The following GPRC6A variants were observed in gnomAD, a reference collection of about 807,000 sequenced individuals.
The protein encoded by GPRC6A is G protein-coupled receptor class C group 6 member A.
GPRC6A carries 54 observed loss-of-function variants against 47.0 expected under a neutral mutation model. The ratio of observed to expected loss-of-function variants is 1.15; its 90% CI spans 0.92 to 1.44. The LOEUF (loss-of-function observed/expected upper bound fraction) is 1.44, where lower values mean the gene tolerates loss of function less well. GPRC6A is among the 40% of genes most tolerant of loss of function. GPRC6A has a pLI of 0.00. For missense variants in GPRC6A, 1,112 were observed against 1,105.5 expected, an observed-to-expected ratio of 1.01 and a Z score of -0.08; for synonymous variants, 347 against 377.1, an observed-to-expected ratio of 0.92 and a Z score of 0.93.
At chr6:116,819,595 C>T (rs9387435) in intron 1 of GPRC6A, among the ~76,000 whole-genome samples, 45,615 of 151,822 alleles carry the variant, frequency 0.3, 7,633 homozygotes, top group East Asian at 0.53. Context: ...GAACAACCTG[C>T]TCCTGAATGA....
At position 116,806,874 on chromosome 6, in the gene GPRC6A, A is replaced by AAAT; in HGVS notation, c.828_830dup (p.Val276_Phe277insLeu). 1.2e-6 allele frequency: 2 copies of AAAT among 1,613,498 alleles called. No homozygotes were observed. Among genetic ancestry groups the AAAT allele is most frequent in the Non-Finnish European group, 1.7e-6 (2 of 1,179,600 alleles). ...GATCAAAAACATGGAATTGCCTCAG[A>AAAT]AATACCACAATGACATTAACCTGGG... On this transcript the variant is annotated inframe_insertion, in exon 3 of 6. Transcript: ENST00000310357.
At chr6:116,814,316 G>A (rs1460383749) in intron 1 of GPRC6A, among the ~76,000 whole-genome samples, 1 of 152,122 alleles carries the variant, frequency 6.6e-6, no homozygotes, top group Non-Finnish European at 1.5e-5. Context: ...TATGTTTATT[G>A]TGGCACTATT....
At chr6:116,812,508 G>A (rs543535289) in intron 1 of GPRC6A, among the ~76,000 whole-genome samples, 11 of 152,198 alleles carry the variant, frequency 7.2e-5, no homozygotes, top group Admixed American at 2.0e-4. Flanking sequence ...GACAAAAAAT[G>A]AGAAAAAGAA....
chr6:116,803,013 A>C (rs1384686827), intron 3 of GPRC6A, among the ~76,000 whole-genome samples: 2 of 152,096 alleles, frequency 1.3e-5, no homozygotes, highest in South Asian at 2.1e-4. Context: ...CTTACAATAC[A>C]TGTCTCATAA....
chr6:116,820,645 A>G (rs1470337264), intron 1 of GPRC6A, among the ~76,000 whole-genome samples: 1 of 151,568 alleles, frequency 6.6e-6, no homozygotes, highest in Admixed American at 6.6e-5. Flanking sequence ...AAAGCCTTTG[A>G]CAAAATTCAA....
At position 116,806,760 on chromosome 6, in the gene GPRC6A, A is replaced by G. The variant is rs145960158; in HGVS notation, c.945T>C (p.Pro315=). ...WSTATKITTI[P]NVKKIGKVVG... is the part of the protein sequence containing the mutation. ...CAACTTTGCCAATCTTTTTAACATT[A>G]GGAATGGTGGTAATCTTGGTGGCAG... is the stretch of plus-strand genomic sequence containing the variant. Residue 315 remains proline, a synonymous_variant, in exon 3 of 6, where the codon CCT becomes CCC. Coordinates refer to ENST00000310357, the MANE Select transcript of GPRC6A (RefSeq NM_148963.4). 1.6e-5 allele frequency: 26 copies of G among 1,613,748 alleles called. No homozygotes were observed. The highest frequency in any genetic ancestry group is 3.3e-4 in the Middle Eastern group (2 of 6,058).
intron 1 of GPRC6A, among the ~76,000 whole-genome samples, chr6:116,816,394 T>G (rs1223722431): frequency 6.6e-6 from 1 of 152,234 alleles, no homozygotes; most frequent in Non-Finnish European, 1.5e-5. Flanking sequence ...CATTACATCT[T>G]AAAGCTCCAA....
intron 4 of GPRC6A, among the ~76,000 whole-genome samples, chr6:116,799,968 G>A (rs1322137521): frequency 3.9e-5 from 6 of 152,168 alleles, no homozygotes; most frequent in African/African-American, 1.4e-4. Context: ...ATTCTCTTCT[G>A]ATGTTTCAGT....
chr6:116,818,532 TAAAAAAAAAAAAAAAAAAAAAAAAAAA>T (rs35974500), intron 1 of GPRC6A, among the ~76,000 whole-genome samples: 13 of 15,508 alleles, frequency 8.4e-4, no homozygotes, highest in South Asian at 3.7e-3. Flanking sequence ...AGACTCCGTC[TAAAAAAAAAAAAAAAAAAAAAAAAAAA>T]AAAAAAAAAA....
At chr6:116,797,226 T>G (rs2114580844) in intron 4 of GPRC6A, among the ~76,000 whole-genome samples, 1 of 152,312 alleles carries the variant, frequency 6.6e-6, no homozygotes, top group Admixed American at 6.5e-5. Context: ...TCATTTTTTA[T>G]GGCTGCATAG....
chr6:116,795,691 A>G (rs1219516685), intron 5 of GPRC6A, 21 bp downstream of exon 5: 1 of 1,590,824 alleles, frequency 6.3e-7, no homozygotes, highest in Non-Finnish European at 8.6e-7. Flanking sequence ...ATTCAGGTGT[A>G]TGTGGAGTGA....
chr6:116,818,532 T>TCAAAAA lies in GPRC6A; in HGVS notation c.195-8916_195-8915insTTTTTG, dbSNP rs1554263527. Among the ~76,000 whole-genome samples the TCAAAAA allele has an allele frequency of 3.5e-3, 54 of 15,506 alleles. 17 individuals carry two copies. The highest frequency in any genetic ancestry group is 0.019 in the South Asian group (5 of 270). 10.2% of individuals were successfully genotyped at this position (15,506 alleles called of 152,430 possible). A position where few individuals can be genotyped will look rare whatever the true frequency, so the allele number is the denominator to read the frequency against. ...CTGGGCGACAGAGCGAGACTCCGTC[T>TCAAAAA]AAAAAAAAAAAAAAAAAAAAAAAAA... On this transcript the variant is annotated intron_variant, in intron 1 of 5. Transcript: ENST00000310357.
At chr6:116,801,408 G>A (rs968566662) in intron 3 of GPRC6A, among the ~76,000 whole-genome samples, 3 of 152,130 alleles carry the variant, frequency 2.0e-5, no homozygotes, top group African/African-American at 7.2e-5. Context: ...GTGCTGTAGT[G>A]GAAGAACAAT....
At chr6:116,809,721 G>A in intron 1 of GPRC6A, 104 bp from the exon 2 acceptor site, 1 of 696,466 alleles carries the variant, frequency 1.4e-6, no homozygotes. Context: ...CTGGATGAGT[G>A]AAGCTTATCT....
intron 2 of GPRC6A, among the ~76,000 whole-genome samples, chr6:116,808,313 G>A (rs1367785623): frequency 6.6e-6 from 1 of 151,936 alleles, no homozygotes; most frequent in Admixed American, 6.6e-5. Flanking sequence ...CTTTTCTGCC[G>A]TCTATTACAG....
chr6:116,817,876 C>T (rs2114612667), intron 1 of GPRC6A, among the ~76,000 whole-genome samples: 1 of 151,984 alleles, frequency 6.6e-6, no homozygotes, highest in South Asian at 2.1e-4. Context: ...AAATATGGGA[C>T]TATGTGAAAA....
chr6:116,796,412 A>T (rs1772490785), intron 4 of GPRC6A, among the ~76,000 whole-genome samples: 1 of 152,216 alleles, frequency 6.6e-6, no homozygotes, highest in Non-Finnish European at 1.5e-5. Context: ...AATTCAAGTT[A>T]TAATTTGCAT....
In GPRC6A at chr6:116,805,142, C is replaced by T. The variant is rs558611629; in HGVS notation, c.1335+1228G>A. Among the ~76,000 whole-genome samples the T allele has an allele frequency of 3.9e-5, 6 of 152,000 alleles. No individual in the cohort carries two copies. The East Asian group carries it at 1.2e-3, about 29-fold the overall frequency. On this transcript the variant is annotated intron_variant, in intron 3 of 5. Transcript: ENST00000310357. ...TGCTTTCATATAGGTGTCTTAAAGT[C>T]ATCAGACATAACTATATATATATTA...
Position 116,795,823 on chromosome 6 carries a change from T to C in GPRC6A, c.1561A>G (p.Lys521Glu), listed in dbSNP as rs752449735. 1.9e-6 allele frequency: 3 copies of C among 1,599,056 alleles called. No homozygotes were observed. Among genetic ancestry groups the C allele is most frequent in the Non-Finnish European group, 2.6e-6 (3 of 1,171,362 alleles). ...CCAGGACTGCATTCCTTGGAGCATTTAGATTGAATTTGCTATATTAAAAGT... is the reference window on the plus strand; with the variant it reads ...CCAGGACTGCATTCCTTGGAGCATTCAGATTGAATTTGCTATATTAAAAGT... ...EFRNLKQIQS[K>E]CSKECSPGQM... The change falls in exon 5 of 6, where the codon AAA becomes GAA. Residue 521 changes from lysine to glutamate, a missense_variant. Transcript: ENST00000310357.
Sources: gnomAD v4.1 joint callset for allele counts (sites outside exome capture counted in the v4.1 genomes callset) on GRCh38, gnomAD v4.1.1 for gene constraint, MANE v1.5 for transcripts, NCBI Gene and HGNC (gene_info 2026-07-23, HGNC 2026-07-21) for gene names.